Variants in TMCC1 observed in about 807,000 individuals in gnomAD.
TMCC1 encodes transmembrane and coiled-coil domains protein 1.
Under a neutral mutation model 52.4 loss-of-function variants are expected in TMCC1, and 15 were observed. The observed-to-expected ratio is 0.29, with a 90% CI of 0.19 to 0.44. The LOEUF (loss-of-function observed/expected upper bound fraction) is 0.44, where lower values mean the gene tolerates loss of function less well. TMCC1 is among the 20% of genes least tolerant of loss of function. TMCC1 has a pLI of 1.00. For synonymous variants in TMCC1, 279 were observed against 301.9 expected, an observed-to-expected ratio of 0.92 and a Z score of 0.79; for missense variants, 503 against 806.0, an observed-to-expected ratio of 0.62 and a Z score of 4.55.
chr3:129,881,447 A>G (rs1241247206), intron 1 of TMCC1, among the ~76,000 whole-genome samples: 1 of 152,238 alleles, frequency 6.6e-6, no homozygotes, highest in Non-Finnish European at 1.5e-5. Context: ...AACAAATATC[A>G]TAGAACTACT....
intron 4 of TMCC1, among the ~76,000 whole-genome samples, chr3:129,759,278 T>C (rs2053284459): frequency 6.6e-6 from 1 of 151,874 alleles, no homozygotes; most frequent in South Asian, 2.1e-4. Context: ...CTTTTTTTTT[T>C]TTTTTTTGAG....
chr3:129,776,001 C>T (rs985538257), intron 4 of TMCC1, among the ~76,000 whole-genome samples: 1 of 150,564 alleles, frequency 6.6e-6, no homozygotes, highest in East Asian at 2.0e-4. Flanking sequence ...CATTAAGCCT[C>T]ATCTACACTG....
intron 4 of TMCC1, among the ~76,000 whole-genome samples, chr3:129,741,771 A>ATAAT (rs2051478302): frequency 6.6e-6 from 1 of 152,138 alleles, no homozygotes; most frequent in African/African-American, 2.4e-5. Context: ...ACAACTTATT[A>ATAAT]AACAGAAGAG....
At chr3:129,702,277 T>C (rs2108975224) in intron 4 of TMCC1, among the ~76,000 whole-genome samples, 1 of 150,920 alleles carries the variant, frequency 6.6e-6, no homozygotes, top group Admixed American at 6.6e-5. Context: ...GAGAAAATAA[T>C]ACATGTTGCT....
intron 4 of TMCC1, among the ~76,000 whole-genome samples, chr3:129,825,105 A>G (rs2058600884): frequency 6.6e-6 from 1 of 152,036 alleles, no homozygotes; most frequent in South Asian, 2.1e-4. Flanking sequence ...CCTCACTTCC[A>G]CCTACCAATC....
intron 3 of TMCC1, among the ~76,000 whole-genome samples, chr3:129,832,053 C>T (rs547362164): frequency 1.3e-5 from 2 of 152,166 alleles, no homozygotes; most frequent in South Asian, 2.1e-4. Flanking sequence ...CATGGGGTTT[C>T]GCCATGTTGA....
In TMCC1 at chr3:129,850,731, C is replaced by T. The variant is rs374381366; in HGVS notation, c.-183-17905G>A. 1.7e-3 allele frequency among the ~76,000 whole-genome samples: 255 copies of T among 152,260 alleles called. 1 individual carries two copies. The highest frequency in any genetic ancestry group is 0.013 in the South Asian group (65 of 4,832). On this transcript the variant is annotated intron_variant, in intron 2 of 6. Coordinates refer to ENST00000393238, the MANE Select transcript of TMCC1 (RefSeq NM_001017395.5). ...TCACAGCCTTCAGAGCCGAGAGCCC[C>T]GAACAGAGATTTAGCCATGTATTTA...
intron 5 of TMCC1, among the ~76,000 whole-genome samples, chr3:129,666,208 T>C (rs932651548): frequency 1.4e-4 from 21 of 151,658 alleles, no homozygotes; most frequent in African/African-American, 4.4e-4. Flanking sequence ...ACTAACAGTG[T>C]GGAGAAGAAA....
At chr3:129,763,148 A>C (rs1416724322) in intron 4 of TMCC1, among the ~76,000 whole-genome samples, 1 of 148,950 alleles carries the variant, frequency 6.7e-6, no homozygotes, top group Non-Finnish European at 1.5e-5. Context: ...CAGTGAGCCG[A>C]GATCGCGCCA....
At chr3:129,761,153 G>A (rs2053550627) in intron 4 of TMCC1, among the ~76,000 whole-genome samples, 2 of 151,106 alleles carry the variant, frequency 1.3e-5, no homozygotes, top group Non-Finnish European at 3.0e-5. Flanking sequence ...GTGAAACCCC[G>A]TCTCTACTAA....
intron 4 of TMCC1, among the ~76,000 whole-genome samples, chr3:129,798,067 C>A (rs1193343918): frequency 1.3e-5 from 2 of 150,310 alleles, no homozygotes; most frequent in Admixed American, 6.7e-5. Context: ...ATGGTCTCAG[C>A]TCATTGCAAC....
rs764181643 is a variant in TMCC1, at chr3:129,828,221, T to C, written c.158A>G (p.Lys53Arg). 1 of 1,614,182 alleles carries C rather than the reference T, an allele frequency of 6.2e-7. No individual in the cohort carries two copies. The highest frequency in any genetic ancestry group is 1.7e-5 in the Admixed American group (1 of 60,002). ...ENINVIGQGL[K>R]HLFQHQRRRS... ...CCTGCGCTGGTGCTGGAAGAGATGC[T>C]TCAAGCCTTGGCCAATCACGTTAAT... The change falls in exon 4 of 7, where the codon AAG becomes AGG. Residue 53 changes from lysine (K) to arginine (R), a missense_variant. Lys to Arg is a conservative substitution (Grantham distance 26). Coordinates refer to ENST00000393238, the MANE Select transcript of TMCC1 (RefSeq NM_001017395.5). The surrounding 1 kb of genome is among the most constrained non-coding windows in gnomAD (Gnocchi z 4.1).
intron 4 of TMCC1, among the ~76,000 whole-genome samples, chr3:129,784,997 ACAGT>A (rs1397494268): frequency 6.6e-6 from 1 of 152,140 alleles, no homozygotes; most frequent in Admixed American, 6.5e-5. Context: ...AAAAAACAAA[ACAGT>A]CAGTGTAAGC....
intron 4 of TMCC1, among the ~76,000 whole-genome samples, chr3:129,713,040 T>C (rs745380542): frequency 6.6e-6 from 1 of 152,004 alleles, no homozygotes; most frequent in East Asian, 1.9e-4. Context: ...GGCGGGAGGA[T>C]TGCTTGAGCC....
chr3:129,752,932 C>T (rs1039623422), intron 4 of TMCC1, among the ~76,000 whole-genome samples: 1 of 152,132 alleles, frequency 6.6e-6, no homozygotes, highest in Non-Finnish European at 1.5e-5. Flanking sequence ...GGCACATCTT[C>T]ACATGGCCAG....
intron 2 of TMCC1, among the ~76,000 whole-genome samples, chr3:129,844,536 G>A (rs888449306): frequency 1.3e-5 from 2 of 152,080 alleles, no homozygotes; most frequent in Non-Finnish European, 2.9e-5. Context: ...TTTCAGGAAC[G>A]TACAAATTAA....
At chr3:129,879,850 C>G (rs1577202908) in intron 2 of TMCC1, among the ~76,000 whole-genome samples, 2 of 152,054 alleles carry the variant, frequency 1.3e-5, no homozygotes, top group African/African-American at 2.4e-5. Flanking sequence ...TTCAGTTTAC[C>G]CAAGTCACAA....
At chr3:129,780,416 C>A (rs2055424660) in intron 4 of TMCC1, among the ~76,000 whole-genome samples, 1 of 151,902 alleles carries the variant, frequency 6.6e-6, no homozygotes. Flanking sequence ...CACTAAGCAC[C>A]ACCTCCACCC....
intron 4 of TMCC1, among the ~76,000 whole-genome samples, chr3:129,671,580 C>A (rs1252831177): frequency 1.3e-5 from 2 of 152,278 alleles, no homozygotes; most frequent in Middle Eastern, 3.4e-3. Flanking sequence ...TGAATTAATT[C>A]ACTTTCTTTA....
Sources: allele counts gnomAD v4.1 joint callset (sites outside exome capture counted in the v4.1 genomes callset), GRCh38; gene constraint gnomAD v4.1.1; non-coding constraint Gnocchi (gnomAD v3.1); transcripts MANE v1.5; gene names NCBI Gene and HGNC (gene_info 2026-07-23, HGNC 2026-07-21).